The following FRMD6 variants were observed in gnomAD, a reference collection of about 807,000 sequenced individuals.
FRMD6 encodes the protein FERM domain-containing protein 6.
A neutral mutation model predicts 73.2 loss-of-function variants in FRMD6; 37 were observed. The observed-to-expected ratio is 0.51, with a 90% CI of 0.39 to 0.66. FRMD6 has a LOEUF of 0.66. FRMD6 is among the 30% of genes least tolerant of loss of function. The pLI, the probability that FRMD6 is intolerant of heterozygous loss-of-function variation, is 0.00. For synonymous variants in FRMD6, 273 were observed against 282.2 expected, an observed-to-expected ratio of 0.97 and a Z score of 0.33; for missense variants, 714 against 780.5, an observed-to-expected ratio of 0.91 and a Z score of 1.02.
chr14:51,479,106 T>C, the FRMD6 span, among the ~76,000 whole-genome samples: 2 of 152,156 alleles, frequency 1.3e-5, no homozygotes, highest in African/African-American at 2.4e-5. Flanking sequence ...ATGTCATTAA[T>C]TACTGACAGC....
At chr14:51,676,976 C>T (rs10498431) in intron 1 of FRMD6, among the ~76,000 whole-genome samples, 63,442 of 151,882 alleles carry the variant, frequency 0.42, 13,790 homozygotes, top group African/African-American at 0.55. Flanking sequence ...ACATAAGAAC[C>T]TTCTATTTGT....
intron 1 of FRMD6, among the ~76,000 whole-genome samples, chr14:51,502,645 TTTC>T (rs1323111228): frequency 1.3e-5 from 2 of 152,220 alleles, no homozygotes; most frequent in Non-Finnish European, 2.9e-5. Context: ...TGACTCCAGC[TTTC>T]TTCTTCTTGC....
At chr14:51,649,804 G>T (rs1451331043), upstream of FRMD6, 2 of 151,834 alleles carry the variant, frequency 1.3e-5, no homozygotes, top group Admixed American at 1.3e-4. Context: ...TGTCACCCAG[G>T]CTAGAGTCCC....
the FRMD6 span, among the ~76,000 whole-genome samples, chr14:51,465,115 C>T: frequency 6.6e-6 from 1 of 152,066 alleles, no homozygotes; most frequent in East Asian, 1.9e-4. Flanking sequence ...ATGCAAGGGA[C>T]AGGTGGAAAA....
intron 1 of FRMD6, among the ~76,000 whole-genome samples, chr14:51,684,936 TACAAGGAGTATTGC>T (rs1007148256): frequency 5.3e-5 from 8 of 152,106 alleles, no homozygotes; most frequent in African/African-American, 1.9e-4. Flanking sequence ...GAGGAGTACT[TACAAGGAGTATTGC>T]ACAAGTAGAT....
At chr14:51,721,910 CT>C (rs1476074435) in intron 11 of FRMD6, 38 bp from the exon 12 acceptor site, 3 of 1,610,266 alleles carry the variant, frequency 1.9e-6, no homozygotes, top group Non-Finnish European at 2.5e-6. Flanking sequence ...GGTCATTTCC[CT>C]TTTTGTCATT....
the FRMD6 span, among the ~76,000 whole-genome samples, chr14:51,451,555 T>C: frequency 2.0e-5 from 3 of 152,120 alleles, no homozygotes; most frequent in Admixed American, 2.0e-4. Flanking sequence ...TTTTGTATAT[T>C]TTTTTAGTAG....
chr14:51,588,787 A>G (rs1889202343), intron 2 of FRMD6, among the ~76,000 whole-genome samples: 1 of 152,208 alleles, frequency 6.6e-6, no homozygotes, highest in Non-Finnish European at 1.5e-5. Context: ...AGGCTCACAG[A>G]CTCATGGGAA....
At chr14:51,540,536 C>G (rs1886149363) in intron 1 of FRMD6, among the ~76,000 whole-genome samples, 1 of 152,050 alleles carries the variant, frequency 6.6e-6, no homozygotes, top group South Asian at 2.1e-4. Flanking sequence ...AGAGTAGAGG[C>G]TCAATGAAAA....
intron 1 of FRMD6, among the ~76,000 whole-genome samples, chr14:51,566,813 A>C (rs1386606367): frequency 6.6e-6 from 1 of 152,224 alleles, no homozygotes; most frequent in East Asian, 1.9e-4. Context: ...CTAAGAACAA[A>C]GTTTTGTAAA....
intron 2 of FRMD6, among the ~76,000 whole-genome samples, chr14:51,644,088 G>T (rs1477932980): frequency 2.7e-5 from 4 of 149,642 alleles, no homozygotes; most frequent in Non-Finnish European, 6.0e-5. Context: ...TGATATCAAT[G>T]CAGGGGGAAG....
At chr14:51,609,683 T>C (rs1439865824) in intron 2 of FRMD6, among the ~76,000 whole-genome samples, 2 of 152,142 alleles carry the variant, frequency 1.3e-5, no homozygotes, top group Non-Finnish European at 2.9e-5. Flanking sequence ...TAATGTTCAC[T>C]GAGTAAGGGG....
intron 1 of FRMD6, among the ~76,000 whole-genome samples, chr14:51,569,895 A>G (rs1005543271): frequency 2.1e-4 from 31 of 151,020 alleles, no homozygotes; most frequent in African/African-American, 5.1e-4. Context: ...GGCTCACTGC[A>G]AGCTCCACCT....
chr14:51,613,098 C>T (rs1349597966), intron 2 of FRMD6, among the ~76,000 whole-genome samples: 1 of 152,032 alleles, frequency 6.6e-6, no homozygotes, highest in South Asian at 2.1e-4. Context: ...TTATGGAGGA[C>T]CTTTTTGGCC....
At chr14:51,640,139 C>G (rs1437402573) in intron 2 of FRMD6, among the ~76,000 whole-genome samples, 1 of 152,130 alleles carries the variant, frequency 6.6e-6, no homozygotes, top group Non-Finnish European at 1.5e-5. Context: ...AAATTAAAAA[C>G]AGGCAGTCCT....
chr14:51,646,224 A>G (rs1354992489), intron 2 of FRMD6, among the ~76,000 whole-genome samples: 1 of 149,508 alleles, frequency 6.7e-6, no homozygotes, highest in Admixed American at 6.8e-5. Context: ...AGGCTGAGGC[A>G]GGAGAAACGC....
At chr14:51,612,771 G>T (rs1361527755) in intron 2 of FRMD6, among the ~76,000 whole-genome samples, 1 of 152,166 alleles carries the variant, frequency 6.6e-6, no homozygotes, top group African/African-American at 2.4e-5. Flanking sequence ...AAGACTACTT[G>T]GAATTTCTCT....
chr14:51,425,420 A>C, the FRMD6 span, among the ~76,000 whole-genome samples: 137,193 of 152,106 alleles, frequency 0.9, 62,083 homozygotes, highest in Non-Finnish European at 0.92. Flanking sequence ...CTCTCCTTGG[A>C]AAACCCTGCC....
In FRMD6 at chr14:51,646,318, CAAAAAA is replaced by C. The variant is rs34495089; in HGVS notation, c.-146-43354_-146-43349del. On this transcript the variant is annotated intron_variant, in intron 2 of 14. Transcript: ENST00000356218. ...GGGCGACACAGCGAGACTCCATATCCAAAAAAAAAAAAAAAAAAAAAAAACCCACTG... is the reference window on the plus strand; with the variant it reads ...GGGCGACACAGCGAGACTCCATATCCAAAAAAAAAAAAAAAAAACCCACTG... Among the ~76,000 whole-genome samples the C allele has an allele frequency of 2.3e-4, 16 of 69,264 alleles. No individual in the cohort carries two copies. The South Asian group carries it at 4.3e-3, about 19-fold the overall frequency. The allele number at this position is 69,264 out of a possible 152,430, so 45.4% of individuals were successfully genotyped here.
Sources: allele counts gnomAD v4.1 joint callset (sites outside exome capture counted in the v4.1 genomes callset), GRCh38; gene constraint gnomAD v4.1.1; transcripts MANE v1.5; gene names NCBI Gene and HGNC (gene_info 2026-07-23, HGNC 2026-07-21).